Variants in TRHDE observed in about 807,000 individuals in gnomAD.
TRHDE encodes thyrotropin-releasing hormone-degrading ectoenzyme.
A neutral mutation model predicts 125.7 loss-of-function variants in TRHDE; 72 were observed. The observed-to-expected ratio is 0.57, with a 90% confidence interval of 0.47 to 0.70. The LOEUF (loss-of-function observed/expected upper bound fraction) is 0.70. Among genes scored for constraint, TRHDE ranks in the 30% least tolerant of loss-of-function variants. TRHDE has a pLI of 0.00. For synonymous variants in TRHDE, 509 were observed against 509.1 expected (o/e 1.00, Z 0.00); for missense variants, 1,110 against 1,327.1 (o/e 0.84, Z 2.54).
At chr12:72,606,738 A>G (rs1371309605) in intron 12 of TRHDE, among the ~76,000 whole-genome samples, 1 of 152,148 alleles carries the variant, frequency 6.6e-6, no homozygotes, top group Non-Finnish European at 1.5e-5. Context: ...CACACACTGG[A>G]AAAAGAGTGT....
intron 16 of TRHDE, 70 bp from the exon 17 acceptor site, chr12:72,652,946 A>G: frequency 7.4e-7 from 1 of 1,352,970 alleles, no homozygotes. Context: ...TAGGTCCTAT[A>G]ATTTTAGTAA....
chr12:72,329,310 A>G (rs1026133262), intron 2 of TRHDE, among the ~76,000 whole-genome samples: 1 of 152,234 alleles, frequency 6.6e-6, no homozygotes, highest in Non-Finnish European at 1.5e-5. Flanking sequence ...ACCAGTCCTT[A>G]AAAGTTTAAA....
At chr12:72,525,380 C>G (rs1868313353) in intron 6 of TRHDE, among the ~76,000 whole-genome samples, 1 of 151,788 alleles carries the variant, frequency 6.6e-6, no homozygotes, top group African/African-American at 2.4e-5. Context: ...TTTATCATTT[C>G]TAAAAATATC....
chr12:72,432,556 C>T (rs530350676), intron 3 of TRHDE, among the ~76,000 whole-genome samples: 166 of 152,266 alleles, frequency 1.1e-3, no homozygotes, highest in Non-Finnish European at 1.4e-3. Context: ...AACCTTCCGG[C>T]CTTTCAGAAG....
chr12:72,101,203 G>A (rs1279354628), intron 1 of TRHDE, among the ~76,000 whole-genome samples: 3 of 152,154 alleles, frequency 2.0e-5, no homozygotes, highest in Non-Finnish European at 4.4e-5. Flanking sequence ...AATGAAGTTC[G>A]AAGTGCATGA....
At chr12:72,649,354 A>G (rs1874412251) in intron 15 of TRHDE, among the ~76,000 whole-genome samples, 1 of 152,132 alleles carries the variant, frequency 6.6e-6, no homozygotes, top group Non-Finnish European at 1.5e-5. Flanking sequence ...TGCAAAAGAA[A>G]TAATGAAATT....
At chr12:72,449,512 G>A (rs1264871745) in intron 3 of TRHDE, among the ~76,000 whole-genome samples, 1 of 151,632 alleles carries the variant, frequency 6.6e-6, no homozygotes, top group African/African-American at 2.4e-5. Flanking sequence ...ATAGACTTTA[G>A]TTCAGACTGC....
chr12:72,444,212 T>C (rs931847537), intron 3 of TRHDE, among the ~76,000 whole-genome samples: 1 of 151,790 alleles, frequency 6.6e-6, no homozygotes, highest in African/African-American at 2.4e-5. Context: ...ACCCCAAAGA[T>C]GAAGTTTTCT....
At chr12:72,167,432 G>T (rs1277161453) in intron 2 of TRHDE, 1 of 152,096 alleles carries the variant, frequency 6.6e-6, no homozygotes, top group Non-Finnish European at 1.5e-5. Context: ...ATCTAGATTT[G>T]GATTTACCTT....
intron 3 of TRHDE, among the ~76,000 whole-genome samples, chr12:72,464,695 A>AT (rs1876286340): frequency 6.6e-6 from 1 of 152,212 alleles, no homozygotes; most frequent in South Asian, 2.1e-4. Flanking sequence ...ATATTCTGTT[A>AT]TTATAGACAC....
chr12:72,130,508 A>G (rs1555220893), intron 2 of TRHDE, among the ~76,000 whole-genome samples: 1 of 152,184 alleles, frequency 6.6e-6, no homozygotes. Context: ...GTCTCCAGAG[A>G]GATGAACAAC....
intron 3 of TRHDE, among the ~76,000 whole-genome samples, chr12:72,384,468 T>C (rs1166334513): frequency 6.6e-6 from 1 of 152,148 alleles, no homozygotes; most frequent in Non-Finnish European, 1.5e-5. Context: ...AGAGTAAATA[T>C]TTAGCACTAT....
chr12:72,151,143 T>C (rs528738307), intron 2 of TRHDE, among the ~76,000 whole-genome samples: 8 of 152,362 alleles, frequency 5.3e-5, no homozygotes, highest in Admixed American at 5.2e-4. Context: ...ATTTCTCTGA[T>C]GGCCAGTGAT....
intron 3 of TRHDE, among the ~76,000 whole-genome samples, chr12:72,433,913 T>A (rs1364803001): frequency 6.6e-6 from 1 of 151,904 alleles, no homozygotes; most frequent in Non-Finnish European, 1.5e-5. Flanking sequence ...GAAGCCTGTC[T>A]CTCCAGAGGT....
intron 2 of TRHDE, among the ~76,000 whole-genome samples, chr12:72,224,162 G>GTATC (rs1219858596): frequency 0.015 from 405 of 27,028 alleles, 1 homozygote; most frequent in Middle Eastern, 0.045. Flanking sequence ...ATGTATGTAT[G>GTATC]TATGTATCTA....
intron 3 of TRHDE, among the ~76,000 whole-genome samples, chr12:72,380,031 T>C (rs1186534761): frequency 6.6e-6 from 1 of 152,200 alleles, no homozygotes; most frequent in Non-Finnish European, 1.5e-5. Flanking sequence ...CCATTATACA[T>C]TATGAATCGT....
intron 18 of TRHDE, among the ~76,000 whole-genome samples, chr12:72,660,015 G>A (rs1874856895): frequency 6.6e-6 from 1 of 151,954 alleles, no homozygotes; most frequent in African/African-American, 2.4e-5. Context: ...GCGTGCTGAT[G>A]TTTATTGTAT....
chr12:72,297,140 C>T (rs764286941), intron 2 of TRHDE, among the ~76,000 whole-genome samples: 29 of 152,142 alleles, frequency 1.9e-4, no homozygotes, highest in Non-Finnish European at 3.7e-4. Flanking sequence ...TGACAAGGCA[C>T]ACTTGGCCAG....
intron 15 of TRHDE, among the ~76,000 whole-genome samples, chr12:72,630,882 A>G (rs1221409747): frequency 1.4e-5 from 2 of 147,512 alleles, no homozygotes; most frequent in African/African-American, 4.9e-5. Context: ...CCTAAAATTC[A>G]TAGCAAAAAA....
Sources: gnomAD v4.1 joint callset for allele counts (sites outside exome capture counted in the v4.1 genomes callset) on GRCh38, gnomAD v4.1.1 for gene constraint, MANE v1.5 for transcripts, NCBI Gene and HGNC (gene_info 2026-07-23, HGNC 2026-07-21) for gene names.